ZNF774: variants seen among roughly 807,000 people sequenced by gnomAD.
The protein encoded by ZNF774 is zinc finger protein 774.
A neutral mutation model predicts 11.1 loss-of-function variants in ZNF774; 14 were observed. The observed-to-expected ratio is 1.26, with a 90% CI of 0.83 to 1.97. The LOEUF is 1.97. Ranked by LOEUF, ZNF774 falls within the 30% of genes most tolerant of loss-of-function variation. The pLI, the probability that ZNF774 is intolerant of heterozygous loss-of-function variation, is 0.00. For missense variants in ZNF774, 599 were observed against 587.0 expected (o/e 1.02, Z -0.21); for synonymous variants, 195 against 212.6 (o/e 0.92, Z 0.72).
Position 90,362,640 on chromosome 15 carries a change from A to G in ZNF774, c.*1357A>G. On this transcript the variant is annotated 3_prime_UTR_variant, in exon 4 of 4. Transcript: ENST00000354377. ...GGAAAGAACACCGACTTCATTGAGA[A>G]GGTAAAGTATTTGAGTCCTGGCCCT... 6.7e-7 allele frequency: 1 copy of G among 1,485,868 alleles called. No homozygotes were observed. Among genetic ancestry groups the G allele is most frequent in the Non-Finnish European group, 9.1e-7 (1 of 1,101,312 alleles). The allele number at this position is 1,485,868 out of a possible 1,614,324, so 92.0% of individuals were successfully genotyped here.
Position 90,362,729 on chromosome 15 carries a change from T to G in ZNF774, c.*1446T>G, listed in dbSNP as rs1964353361. The G allele has an allele frequency of 3.0e-6, 2 of 668,550 alleles. No individual in the cohort carries two copies. The highest frequency in any genetic ancestry group is 5.3e-6 in the Non-Finnish European group (2 of 380,458). The allele number at this position is 668,550 out of a possible 1,614,324, so 41.4% of individuals were successfully genotyped here. A position where few individuals can be genotyped will look rare whatever the true frequency, so the allele number is the denominator to read the frequency against. On this transcript the variant is annotated 3_prime_UTR_variant, in exon 4 of 4. Transcript: ENST00000354377. Reference sequence around the variant, plus strand: ...TCAAGTTTTACCTACCTCACAAGGTTGTTGTGAGGATCTAAAAATACACAC... The same window carrying G: ...TCAAGTTTTACCTACCTCACAAGGTGGTTGTGAGGATCTAAAAATACACAC...
Position 90,361,454 on chromosome 15 carries a change from A to G in ZNF774, c.*171A>G. On this transcript the variant is annotated 3_prime_UTR_variant, in exon 4 of 4. Transcript: ENST00000354377. ...GAGGATAAACTTAAAGGGTCCAAATAACGGTCCGAATACAAAAGGCATTCC... is the reference window on the plus strand; with the variant it reads ...GAGGATAAACTTAAAGGGTCCAAATGACGGTCCGAATACAAAAGGCATTCC... The G allele has an allele frequency of 7.1e-7, 1 of 1,410,120 alleles. No homozygotes were observed. The highest frequency in any genetic ancestry group is 2.5e-5 in the East Asian group (1 of 40,124). The allele number at this position is 1,410,120 out of a possible 1,614,324, so 87.4% of individuals were successfully genotyped here.
Position 90,361,284 on chromosome 15 carries a change from G to C in ZNF774, c.*1G>C. 3.8e-6 allele frequency: 6 copies of C among 1,591,950 alleles called. No individual in the cohort carries two copies. Among genetic ancestry groups the C allele is most frequent in the Non-Finnish European group, 5.1e-6 (6 of 1,167,822 alleles). On this transcript the variant is annotated 3_prime_UTR_variant, in exon 4 of 4. Transcript: ENST00000354377. Reference sequence around the variant, plus strand: ...CCATCAAAACACCCATTTGATTTAGGAAGTAGTCTTTGGTGTTCAGCTGCT... The same window carrying C: ...CCATCAAAACACCCATTTGATTTAGCAAGTAGTCTTTGGTGTTCAGCTGCT...
In ZNF774 at chr15:90,353,408, A is replaced by T. The variant is rs539051566; in HGVS notation, c.-20+997A>T. Among the ~76,000 whole-genome samples, 15 of 150,242 alleles carry T rather than the reference A, an allele frequency of 1.0e-4. No homozygotes were observed. The East Asian group carries it at 2.9e-3, about 29-fold the overall frequency. The stretch of plus-strand genomic sequence containing the variant: ...ACCAATAATAATGTCTGTAAATACA[A>T]AAATATTTCCCCCAAAAGTGTGTGT... On this transcript the variant is annotated intron_variant, in intron 1 of 3. Transcript: ENST00000354377.
At position 90,358,924 on chromosome 15, in the gene ZNF774, G is replaced by A; in HGVS notation, c.178G>A (p.Glu60Lys). ...EPWVLPLQNF[E>K]ARKIPRESHT... ...ATGGGTCCTACCACTCCAAAACTTT[G>A]AGGCGAGGAAGATCCCGAGGGAAAG... The change falls in exon 3 of 4, where the codon GAG becomes AAG. Residue 60 changes from glutamate to lysine, a missense_variant. Glu to Lys is a moderately conservative substitution (Grantham distance 56). Transcript: ENST00000354377. 6.2e-7 allele frequency: 1 copy of A among 1,613,846 alleles called. No homozygotes were observed. Among genetic ancestry groups the A allele is most frequent in the African/African-American group, 1.3e-5 (1 of 75,024 alleles).
chr15:90,361,212 T>C lies in ZNF774; in HGVS notation c.1381T>C (p.Cys461Arg). The change falls in exon 4 of 4, where the codon TGT (cysteine) becomes CGT (arginine). Residue 461 changes from cysteine to arginine, a missense_variant. By Grantham distance (180) the Cys-to-Arg change is radical. Transcript: ENST00000354377. ...GCATACAGGAGAAAAACCTTTCCAC[T>C]GTAGTAAATGTAACAAGAGCTTCCG... Reference protein sequence around the residue: ...RTHTGEKPFHCSKCNKSFRQK... With the variant: ...RTHTGEKPFHRSKCNKSFRQK... The C allele has an allele frequency of 1.2e-6, 2 of 1,613,100 alleles. No homozygotes were observed.
At chr15:90,354,805 T>G (rs1313333889) in intron 2 of ZNF774, 41 bp downstream of exon 2, 24 of 1,499,658 alleles carry the variant, frequency 1.6e-5, no homozygotes, top group Middle Eastern at 3.5e-4. Flanking sequence ...ATTTATCTTG[T>G]TTTTTTTGAG....
rs754213138 is a variant in ZNF774, at chr15:90,360,621, G to T, written c.790G>T (p.Ala264Ser). ...QRTHTGEKPY[A>S]CLECHKSFSR... Reference sequence around the variant, plus strand: ...AACCCACACAGGCGAGAAGCCCTACGCGTGCCTGGAATGTCACAAAAGCTT... The same window carrying T: ...AACCCACACAGGCGAGAAGCCCTACTCGTGCCTGGAATGTCACAAAAGCTT... The change falls in exon 4 of 4, where the codon GCG (alanine) becomes TCG (serine). Residue 264 changes from alanine (A) to serine (S), a missense_variant. Coordinates refer to ENST00000354377, the MANE Select transcript of ZNF774 (RefSeq NM_001004309.3). The T allele has an allele frequency of 6.2e-7, 1 of 1,613,966 alleles. No homozygotes were observed.
chr15:90,358,758 C>A, intron 2 of ZNF774, 93 bp from the exon 3 acceptor site: 1 of 933,870 alleles, frequency 1.1e-6, no homozygotes, highest in Non-Finnish European at 1.7e-6. Context: ...CCCAGGTGTT[C>A]TTCCATACCT....
rs888120060 is a variant in ZNF774 at position 90,352,337 on chromosome 15, C to G, written c.-94C>G. On this transcript the variant is annotated 5_prime_UTR_variant, in exon 1 of 4. Transcript: ENST00000354377. ...GGTCGGGTTCTGGGAGGCACAGCCTCGGGGTTGCGGGCCGGGTGCGGCTCG... is the reference window on the plus strand; with the variant it reads ...GGTCGGGTTCTGGGAGGCACAGCCTGGGGGTTGCGGGCCGGGTGCGGCTCG... 1 of 152,530 alleles carries G rather than the reference C, an allele frequency of 6.6e-6. No homozygotes were observed. Among genetic ancestry groups the G allele is most frequent in the Admixed American group, 6.5e-5 (1 of 15,294 alleles). 9.4% of individuals were successfully genotyped at this position (152,530 alleles called of 1,614,324 possible).
intron 3 of ZNF774, among the ~76,000 whole-genome samples, chr15:90,359,368 G>A (rs955231169): frequency 1.3e-5 from 2 of 152,030 alleles, no homozygotes; most frequent in East Asian, 1.9e-4. Flanking sequence ...CACCGCGCCC[G>A]GCCACTAGCA....
At chr15:90,353,368 A>G (rs1372572070) in intron 1 of ZNF774, among the ~76,000 whole-genome samples, 1 of 152,012 alleles carries the variant, frequency 6.6e-6, no homozygotes, top group African/African-American at 2.4e-5. Flanking sequence ...TTAAAAACTC[A>G]ATACTTTATA....
Position 90,357,593 on chromosome 15 carries a change from A to G in ZNF774, c.105-1258A>G, listed in dbSNP as rs373634209. Among the ~76,000 whole-genome samples the G allele has an allele frequency of 1.6e-4, 25 of 152,264 alleles. 1 individual carries two copies. The South Asian group carries it at 3.1e-3, about 19-fold the overall frequency. On this transcript the variant is annotated intron_variant, in intron 2 of 3. Coordinates refer to ENST00000354377, the MANE Select transcript of ZNF774 (RefSeq NM_001004309.3). ...ACATTTATTGAAGTTTTTTTTGGAG[A>G]TGGAGTCTCAATGTGTTGCCCAGGC...
chr15:90,361,294 T>G lies in ZNF774; in HGVS notation c.*11T>G. 7 of 1,581,348 alleles carry G rather than the reference T, an allele frequency of 4.4e-6. No homozygotes were observed. The highest frequency in any genetic ancestry group is 6.0e-6 in the Non-Finnish European group (7 of 1,162,998). ...ACCCATTTGATTTAGGAAGTAGTCT[T>G]TGGTGTTCAGCTGCTCCCTTGCACA... is the stretch of plus-strand genomic sequence containing the variant. On this transcript the variant is annotated 3_prime_UTR_variant, in exon 4 of 4. Transcript: ENST00000354377.
intron 2 of ZNF774, 129 bp downstream of exon 2, chr15:90,354,893 C>A (rs1964223142): frequency 1.3e-6 from 1 of 768,378 alleles, no homozygotes; most frequent in Non-Finnish European, 2.2e-6. Context: ...CTCCTGGGCT[C>A]AAGCGATTCT....
rs772984769 is a variant in ZNF774 at position 90,360,021 on chromosome 15, G to C, written c.212-22G>C. 7 of 1,577,636 alleles carry C rather than the reference G, an allele frequency of 4.4e-6. No homozygotes were observed. The African/African-American group carries it at 9.5e-5, about 21-fold the overall frequency. On this transcript the variant is annotated intron_variant, in intron 3 of 3. Transcript: ENST00000354377. ...CTGATAACTGATAACTTTATTCTCT[G>C]TTACTTACATTAATTTTTCAGACTG... is the stretch of plus-strand genomic sequence containing the variant.
chr15:90,354,669 G>A lies in ZNF774; in HGVS notation c.9G>A (p.Leu3=), dbSNP rs1188894060. MW[L]GTSGKSGLPG... ...ACTGATGACGCTTGATAATGTGGCT[G>A]GGGACTTCAGGGAAGAGTGGGTTAC... Residue 3 remains leucine, a synonymous_variant, in exon 2 of 4, where the codon CTG becomes CTA. Transcript: ENST00000354377. 6.2e-6 allele frequency: 10 copies of A among 1,608,760 alleles called. No homozygotes were observed. Among genetic ancestry groups the A allele is most frequent in the Non-Finnish European group, 8.5e-6 (10 of 1,177,470 alleles).
In ZNF774 at chr15:90,361,007, G is replaced by C; in HGVS notation, c.1176G>C (p.Lys392Asn). 6.2e-7 allele frequency: 1 copy of C among 1,614,154 alleles called. No individual in the cohort carries two copies. The highest frequency in any genetic ancestry group is 8.5e-7 in the Non-Finnish European group (1 of 1,180,038). The part of the protein sequence containing the change: ...KGFADSSALI[K>N]HQRIHTGERP... ...TCGCCGACAGCTCCGCCCTCATTAAGCACCAACGAATCCACACCGGAGAAA... is the reference window on the plus strand; with the variant it reads ...TCGCCGACAGCTCCGCCCTCATTAACCACCAACGAATCCACACCGGAGAAA... The change falls in exon 4 of 4, where the codon AAG becomes AAC. Residue 392 changes from lysine (K) to asparagine (N), a missense_variant. Physicochemically the swap from Lys to Asn is moderately conservative, Grantham distance 94. Coordinates refer to ENST00000354377, the MANE Select transcript of ZNF774 (RefSeq NM_001004309.3).
intron 2 of ZNF774, among the ~76,000 whole-genome samples, chr15:90,356,205 GCC>G (rs1411385469): frequency 3.4e-5 from 5 of 148,210 alleles, no homozygotes; most frequent in Non-Finnish European, 5.9e-5. Flanking sequence ...TGCAACCTCT[GCC>G]TCCTAGGTTC....
Sources: gnomAD v4.1 joint callset for allele counts (sites outside exome capture counted in the v4.1 genomes callset) on GRCh38, gnomAD v4.1.1 for gene constraint, MANE v1.5 for transcripts, NCBI Gene and HGNC (gene_info 2026-07-23, HGNC 2026-07-21) for gene names.